UPRT: variants seen among roughly 807,000 people sequenced by gnomAD.
UPRT encodes RP11-311P8.3.
UPRT carries 5 observed loss-of-function variants against 22.6 expected under a neutral mutation model. The observed-to-expected ratio is 0.22, with a 90% CI of 0.12 to 0.47. The LOEUF (loss-of-function observed/expected upper bound fraction) is 0.47. Among genes scored for constraint, UPRT ranks in the 20% least tolerant of loss-of-function variants. The pLI is 0.99. For synonymous variants in UPRT, 77 were observed against 87.7 expected, an observed-to-expected ratio of 0.88 and a Z score of 0.68; for missense variants, 181 against 239.9, an observed-to-expected ratio of 0.75 and a Z score of 1.62.
rs191451288 is a variant in UPRT, at chrX:75,264,296, T to C, written c.-446-26728T>C. Among the ~76,000 whole-genome samples the C allele has an allele frequency of 4.6e-3, 517 of 111,701 alleles. 4 individuals carry two copies. Among genetic ancestry groups the C allele is most frequent in the African/African-American group, 0.016 (488 of 30,708 alleles). On this transcript the variant is annotated intron_variant, in intron 4 of 13. Transcript: ENST00000652605. ...AGATCCTTGTTAACTTTCTGTCTCA[T>C]TGATCTGTCTAATGTTGACAGTGGA...
At chrX:75,184,041 G>A (rs1281131547) in intron 4 of UPRT, among the ~76,000 whole-genome samples, 1 of 112,111 alleles carries the variant, frequency 8.9e-6, no homozygotes, top group Admixed American at 9.4e-5. Context: ...GATCCCATTT[G>A]TCAATTTTGG....
intron 4 of UPRT, among the ~76,000 whole-genome samples, chrX:75,213,772 C>G (rs1053519089): frequency 2.7e-5 from 3 of 111,548 alleles, no homozygotes; most frequent in Non-Finnish European, 5.7e-5. Flanking sequence ...AATTATACAA[C>G]AGGGCTAACA....
At chrX:75,162,322 T>C (rs760961210) in intron 2 of UPRT, among the ~76,000 whole-genome samples, 3 of 111,103 alleles carry the variant, frequency 2.7e-5, no homozygotes, top group South Asian at 7.6e-4. Flanking sequence ...GGTTTTACTC[T>C]GGTATGAAGG....
intron 4 of UPRT, among the ~76,000 whole-genome samples, chrX:75,243,278 C>T (rs1297712424): frequency 9.0e-6 from 1 of 111,129 alleles, no homozygotes; most frequent in African/African-American, 3.3e-5. Context: ...TAGCAACATG[C>T]CTGGCAAATA....
chrX:75,254,944 T>C, intron 4 of UPRT, among the ~76,000 whole-genome samples: 1 of 109,233 alleles, frequency 9.2e-6, no homozygotes, highest in Non-Finnish European at 1.9e-5. Flanking sequence ...CCCGGCTAAT[T>C]TTTTGTATTT....
intron 4 of UPRT, among the ~76,000 whole-genome samples, chrX:75,258,806 C>A (rs1174223684): frequency 8.9e-6 from 1 of 111,947 alleles, no homozygotes; most frequent in Non-Finnish European, 1.9e-5. Context: ...GGTCCCTGAC[C>A]CCCATGTATC....
At chrX:75,238,471 A>C (rs1490060220) in intron 4 of UPRT, among the ~76,000 whole-genome samples, 1 of 111,872 alleles carries the variant, frequency 8.9e-6, no homozygotes, top group Non-Finnish European at 1.9e-5. Context: ...TGGAGCTTCC[A>C]AATTTATAAA....
chrX:75,191,307 C>T (rs2082314190), intron 4 of UPRT, among the ~76,000 whole-genome samples: 1 of 112,253 alleles, frequency 8.9e-6, no homozygotes, highest in African/African-American at 3.2e-5. Context: ...TGCTGAACAG[C>T]AAATGTTGCT....
chrX:75,173,236 C>G (rs2082234644), intron 4 of UPRT, among the ~76,000 whole-genome samples: 2 of 110,694 alleles, frequency 1.8e-5, no homozygotes, highest in Admixed American at 1.9e-4. Context: ...GTTTACAAAC[C>G]TTGAGCTAGA....
chrX:75,228,213 C>T (rs1300787220), intron 4 of UPRT, among the ~76,000 whole-genome samples: 1 of 111,846 alleles, frequency 8.9e-6, no homozygotes, highest in Non-Finnish European at 1.9e-5. Flanking sequence ...AAAGATGTTT[C>T]AAATTGAGGC....
chrX:75,252,801 A>C (rs1303697286), intron 4 of UPRT, among the ~76,000 whole-genome samples: 2 of 112,597 alleles, frequency 1.8e-5, no homozygotes, highest in African/African-American at 6.5e-5. Flanking sequence ...CCAAATGTCC[A>C]ACAATGATAG....
At chrX:75,160,550 A>G (rs1407683276) in exon 2 of UPRT, among the ~76,000 whole-genome samples, 2 of 112,135 alleles carry the variant, frequency 1.8e-5, no homozygotes, top group Non-Finnish European at 3.8e-5. Flanking sequence ...TATTTTTTAG[A>G]GACAGAGTCT....
intron 4 of UPRT, among the ~76,000 whole-genome samples, chrX:75,245,289 G>GAAA (rs2082501127): frequency 3.8e-5 from 4 of 106,582 alleles, no homozygotes; most frequent in Non-Finnish European, 5.8e-5. Context: ...AAAAGAAAAG[G>GAAA]AAAACAGATA....
At chrX:75,219,248 C>T (rs546889348) in intron 4 of UPRT, among the ~76,000 whole-genome samples, 4 of 111,476 alleles carry the variant, frequency 3.6e-5, no homozygotes, top group African/African-American at 1.3e-4. Flanking sequence ...ATAAGGATCT[C>T]GGAAAGACAA....
At chrX:75,229,479 G>A (rs777225062) in intron 4 of UPRT, among the ~76,000 whole-genome samples, 3 of 111,837 alleles carry the variant, frequency 2.7e-5, no homozygotes, top group African/African-American at 6.5e-5. Context: ...GAGAGAATTC[G>A]CAGACCCTTT....
chrX:75,257,195 G>A (rs1157070973), intron 4 of UPRT, among the ~76,000 whole-genome samples: 5 of 111,922 alleles, frequency 4.5e-5, no homozygotes, highest in Non-Finnish European at 9.4e-5. Context: ...TCACACCAGG[G>A]ACATAGGGAT....
chrX:75,279,378 T>C (rs1218306987), intron 1 of UPRT, among the ~76,000 whole-genome samples: 3 of 111,145 alleles, frequency 2.7e-5, no homozygotes, highest in Non-Finnish European at 5.7e-5. Flanking sequence ...GTGTGAGTCC[T>C]CTGACTTTTA....
intron 4 of UPRT, among the ~76,000 whole-genome samples, chrX:75,255,976 T>C (rs759823752): frequency 4.5e-5 from 5 of 111,688 alleles, no homozygotes; most frequent in South Asian, 7.5e-4. Flanking sequence ...AGTCAACAAA[T>C]AAACAATGGA....
intron 4 of UPRT, among the ~76,000 whole-genome samples, chrX:75,204,255 C>G (rs2082356648): frequency 9.0e-6 from 1 of 111,118 alleles, no homozygotes; most frequent in Non-Finnish European, 1.9e-5. Flanking sequence ...GTTCTGCTAA[C>G]AGGGGAATTA....
Sources: allele counts gnomAD v4.1 joint callset (sites outside exome capture counted in the v4.1 genomes callset), GRCh38; gene constraint gnomAD v4.1.1; transcripts MANE v1.5; gene names NCBI Gene and HGNC (gene_info 2026-07-23, HGNC 2026-07-21).